The following MAPK10 variants were observed in gnomAD, a reference collection of about 807,000 sequenced individuals.
The protein encoded by MAPK10 is mitogen-activated protein kinase 10.
Under a neutral mutation model 59.3 loss-of-function variants are expected in MAPK10, and 25 were observed. That is an observed-to-expected ratio of 0.42 (90% confidence interval 0.31 to 0.59). The LOEUF is 0.59. Ranked by LOEUF, MAPK10 falls within the 20% of genes least tolerant of loss-of-function variation. MAPK10 has a pLI of 0.15. For synonymous variants in MAPK10, 190 were observed against 200.5 expected, an observed-to-expected ratio of 0.95 and a Z score of 0.44; for missense variants, 351 against 568.9, an observed-to-expected ratio of 0.62 and a Z score of 3.90.
chr4:86,222,770 CT>C (rs1461950209), intron 2 of MAPK10, among the ~76,000 whole-genome samples: 2 of 152,218 alleles, frequency 1.3e-5, no homozygotes, highest in Non-Finnish European at 2.9e-5. Context: ...TATGCACCCC[CT>C]AATAGACTTT....
At chr4:86,516,016 T>C (rs1345105388) in intron 1 of MAPK10, among the ~76,000 whole-genome samples, 6 of 152,270 alleles carry the variant, frequency 3.9e-5, no homozygotes, top group South Asian at 4.1e-4. Context: ...TGGTTTCAGG[T>C]CTTAGATTTA....
chr4:86,321,597 A>AG (rs1340216348), intron 2 of MAPK10, among the ~76,000 whole-genome samples: 6 of 77,526 alleles, frequency 7.7e-5, no homozygotes, highest in Non-Finnish European at 1.4e-4. Context: ...GGGTGGGGGG[A>AG]GGGGGGAGGG....
intron 2 of MAPK10, among the ~76,000 whole-genome samples, chr4:86,346,654 C>T (rs892903178): frequency 6.6e-6 from 1 of 151,728 alleles, no homozygotes; most frequent in Admixed American, 6.6e-5. Context: ...CAACAATCAG[C>T]CTTATAGGAA....
intron 2 of MAPK10, among the ~76,000 whole-genome samples, chr4:86,288,314 T>TCCCTCCC (rs2095097963): frequency 7.0e-6 from 1 of 142,838 alleles, no homozygotes; most frequent in Non-Finnish European, 1.5e-5. Context: ...CCTAAAGCTA[T>TCCCTCCC]CCCTCCTCCC....
intron 10 of MAPK10, 72 bp downstream of exon 10, chr4:86,067,701 G>A (rs1371017341): frequency 4.1e-6 from 5 of 1,215,340 alleles, no homozygotes; most frequent in African/African-American, 3.0e-5. Context: ...AAGAGATAGA[G>A]GTCTCTATAC....
intron 1 of MAPK10, among the ~76,000 whole-genome samples, chr4:86,422,624 C>T (rs1468742015): frequency 1.3e-5 from 2 of 152,120 alleles, no homozygotes; most frequent in East Asian, 1.9e-4. Flanking sequence ...ATCATTGGCA[C>T]GCCTGGTAAG....
intron 4 of MAPK10, among the ~76,000 whole-genome samples, chr4:86,144,183 A>C (rs143585994): frequency 6.6e-5 from 10 of 152,282 alleles, no homozygotes; most frequent in East Asian, 5.8e-4. Context: ...TGATTTAAGT[A>C]AAACATTAAA....
chr4:86,478,831 A>G (rs543516879), intron 1 of MAPK10, among the ~76,000 whole-genome samples: 13 of 152,308 alleles, frequency 8.5e-5, no homozygotes, highest in South Asian at 2.1e-4. Context: ...AGGCCATGCT[A>G]TAGTTCAAGC....
In MAPK10 at chr4:86,107,151, A is replaced by C. The variant is rs911997577; in HGVS notation, c.366+72T>G. 3.5e-5 allele frequency: 44 copies of C among 1,263,808 alleles called. No individual in the cohort carries two copies. The highest frequency in any genetic ancestry group is 4.6e-5 in the Non-Finnish European group (41 of 886,264). The allele number at this position is 1,263,808 out of a possible 1,614,324, so 78.3% of individuals were successfully genotyped here. ...AAGCAAAGAAAGCCTTTCTTACTCA[A>C]GTACAGACACATTTTCTTTTTCCAA... On this transcript the variant is annotated intron_variant, in intron 5 of 13. Coordinates refer to ENST00000641462, the MANE Select transcript of MAPK10 (RefSeq NM_138982.4).
In MAPK10 at chr4:86,273,026, T is replaced by C. The variant is rs546859184; in HGVS notation, c.-6-78619A>G. ...TTTTAATAAATATACCACAATGCTG[T>C]TTTGCAGCACTTTTTAAAATGCTAC... On this transcript the variant is annotated intron_variant, in intron 2 of 13. Coordinates refer to ENST00000641462, the MANE Select transcript of MAPK10 (RefSeq NM_138982.4). Among the ~76,000 whole-genome samples the C allele has an allele frequency of 4.6e-5, 7 of 152,162 alleles. No individual in the cohort carries two copies. In the East Asian group the frequency reaches 1.4e-3, roughly 29 times the overall value.
At chr4:86,171,171 A>G (rs1479011684) in intron 3 of MAPK10, 5 of 151,708 alleles carry the variant, frequency 3.3e-5, no homozygotes, top group Admixed American at 6.6e-5. Flanking sequence ...AGAACTAGAA[A>G]AGCAAGAGCA....
intron 4 of MAPK10, among the ~76,000 whole-genome samples, chr4:86,158,468 TAATA>T (rs201838287): frequency 0.016 from 2,500 of 151,878 alleles, 89 homozygotes; most frequent in African/African-American, 0.056. Flanking sequence ...AATGTAGCAG[TAATA>T]AATAAATATA....
intron 3 of MAPK10, among the ~76,000 whole-genome samples, chr4:86,183,130 T>G (rs2077277943): frequency 7.1e-6 from 1 of 140,730 alleles, no homozygotes. Context: ...ATTTTAGTTT[T>G]GGCTGGTTTT....
At chr4:86,508,165 G>A (rs1427617321) in intron 1 of MAPK10, among the ~76,000 whole-genome samples, 1 of 152,070 alleles carries the variant, frequency 6.6e-6, no homozygotes, top group Admixed American at 6.6e-5. Flanking sequence ...TTCTTTTAGA[G>A]AATCTTCCTC....
At chr4:86,427,626 T>C (rs1002425427) in intron 1 of MAPK10, among the ~76,000 whole-genome samples, 2 of 152,222 alleles carry the variant, frequency 1.3e-5, no homozygotes, top group Admixed American at 6.5e-5. Flanking sequence ...AGGATTAAAA[T>C]GTTTCATTTC....
rs1582489589 is a variant in MAPK10 at position 86,194,378 on chromosome 4, G to A, written c.24C>T (p.Tyr8=). ...TCACATCCAATGTTGGTTCACTGCA[G>A]TAGTATAAGAAATGGAGGCTCATAA... The part of the protein sequence containing the change: MSLHFLY[Y]CSEPTLDVKI... Residue 8 remains tyrosine, a synonymous_variant, in exon 3 of 14, where the codon TAC becomes TAT. Transcript: ENST00000641462. 3.1e-6 allele frequency: 5 copies of A among 1,612,060 alleles called. No homozygotes were observed. Among genetic ancestry groups the A allele is most frequent in the African/African-American group, 1.3e-5 (1 of 74,978 alleles).
chr4:86,123,232 T>G (rs1372433206), intron 4 of MAPK10, among the ~76,000 whole-genome samples: 1 of 152,110 alleles, frequency 6.6e-6, no homozygotes, highest in African/African-American at 2.4e-5. Flanking sequence ...AGGGTTTTCT[T>G]CTTTTTAAAG....
At chr4:86,541,958 C>T (rs986135839) in intron 1 of MAPK10, among the ~76,000 whole-genome samples, 2 of 130,196 alleles carry the variant, frequency 1.5e-5, no homozygotes, top group South Asian at 2.2e-4. Context: ...CACACACACA[C>T]ACACACACAC....
intron 3 of MAPK10, among the ~76,000 whole-genome samples, chr4:86,175,336 T>C (rs1413123091): frequency 6.6e-6 from 1 of 152,266 alleles, no homozygotes; most frequent in South Asian, 2.1e-4. Context: ...ACTAAAGCCA[T>C]GTTTTCATTC....
Sources: allele counts gnomAD v4.1 joint callset (sites outside exome capture counted in the v4.1 genomes callset), GRCh38; gene constraint gnomAD v4.1.1; transcripts MANE v1.5; gene names NCBI Gene and HGNC (gene_info 2026-07-23, HGNC 2026-07-21).